Variants in NPTN observed in about 807,000 individuals in gnomAD.
The protein encoded by NPTN is SDR-1.
NPTN carries 5 observed loss-of-function variants against 42.7 expected under a neutral mutation model. The observed-to-expected ratio is 0.12, with a 90% CI of 0.06 to 0.25. The LOEUF (loss-of-function observed/expected upper bound fraction) is 0.25. Ranked by LOEUF, NPTN falls within the 10% of genes least tolerant of loss-of-function variation. The pLI, the probability that NPTN is intolerant of heterozygous loss-of-function variation, is 1.00. For synonymous variants in NPTN, 180 were observed against 201.9 expected (o/e 0.89, Z 0.92); for missense variants, 307 against 525.4 (o/e 0.58, Z 4.06).
intron 4 of NPTN, among the ~76,000 whole-genome samples, chr15:73,586,248 T>G (rs1452603162): frequency 6.6e-6 from 1 of 152,200 alleles, no homozygotes. Flanking sequence ...TTGGCTCACC[T>G]AGGCTGGGGA....
intron 4 of NPTN, among the ~76,000 whole-genome samples, chr15:73,586,734 A>G (rs1896337895): frequency 6.6e-6 from 1 of 152,214 alleles, no homozygotes; most frequent in African/African-American, 2.4e-5. Flanking sequence ...AAAGACTGAA[A>G]ATAAAAAATC....
chr15:73,565,024 G>T (rs1894899332), intron 6 of NPTN, among the ~76,000 whole-genome samples: 1 of 152,222 alleles, frequency 6.6e-6, no homozygotes, highest in Non-Finnish European at 1.5e-5. Context: ...CTTTTGGAGT[G>T]TGGGTATTCC....
intron 1 of NPTN, among the ~76,000 whole-genome samples, chr15:73,608,441 G>C (rs1427777540): frequency 6.6e-6 from 1 of 152,166 alleles, no homozygotes; most frequent in African/African-American, 2.4e-5. Context: ...CTAGGCAAGA[G>C]GAAACACCAT....
At chr15:73,624,201 T>C (rs926485270) in intron 1 of NPTN, among the ~76,000 whole-genome samples, 16 of 152,226 alleles carry the variant, frequency 1.1e-4, no homozygotes, top group Non-Finnish European at 1.5e-4. Flanking sequence ...AAAACAGTAA[T>C]GCTGTTAGGT....
intron 1 of NPTN, among the ~76,000 whole-genome samples, chr15:73,627,773 T>C (rs1011344428): frequency 6.6e-6 from 1 of 152,228 alleles, no homozygotes; most frequent in African/African-American, 2.4e-5. Context: ...CTTCCTAAAC[T>C]GAATAGATCC....
intron 1 of NPTN, among the ~76,000 whole-genome samples, chr15:73,601,565 C>T (rs1012845862): frequency 2.0e-5 from 3 of 152,198 alleles, no homozygotes; most frequent in Admixed American, 1.3e-4. Context: ...GTACCTTCAA[C>T]AAGAAAGCAC....
intron 1 of NPTN, among the ~76,000 whole-genome samples, chr15:73,626,328 G>A (rs1210692647): frequency 1.3e-5 from 2 of 152,186 alleles, no homozygotes; most frequent in East Asian, 3.8e-4. Flanking sequence ...AACTGCAAGG[G>A]TTGTCTGAAG....
At chr15:73,615,772 T>G (rs1405542438) in intron 1 of NPTN, among the ~76,000 whole-genome samples, 1 of 152,192 alleles carries the variant, frequency 6.6e-6, no homozygotes, top group Non-Finnish European at 1.5e-5. Context: ...TCCTAACTAG[T>G]AAACTGGAAC....
At chr15:73,615,000 A>T (rs986259993) in intron 1 of NPTN, among the ~76,000 whole-genome samples, 8 of 152,168 alleles carry the variant, frequency 5.3e-5, no homozygotes, top group South Asian at 2.1e-4. Flanking sequence ...AGTTTAAAAT[A>T]GATTTCTTAT....
At chr15:73,621,232 G>A (rs988369880) in intron 1 of NPTN, among the ~76,000 whole-genome samples, 6 of 152,086 alleles carry the variant, frequency 3.9e-5, no homozygotes, top group Non-Finnish European at 5.9e-5. Flanking sequence ...ACAGAAATTC[G>A]ATATTAACCT....
Position 73,560,069 on chromosome 15 carries a change from C to T in NPTN, c.*994G>A. 1 of 601,042 alleles carries T rather than the reference C, an allele frequency of 1.7e-6. No individual in the cohort carries two copies. The highest frequency in any genetic ancestry group is 2.7e-5 in the South Asian group (1 of 37,668). The allele number at this position is 601,042 out of a possible 1,614,324, so 37.2% of individuals were successfully genotyped here. ...CAGGTGAATCCACTTTTTTATACAT[C>T]ATTGCACTTCAATAATTACACAAAA... On this transcript the variant is annotated 3_prime_UTR_variant, in exon 9 of 9. Coordinates refer to ENST00000345330, the MANE Select transcript of NPTN (RefSeq NM_012428.4).
At chr15:73,563,482 G>A (rs1894810123) in intron 6 of NPTN, 2 of 1,357,532 alleles carry the variant, frequency 1.5e-6, no homozygotes, top group Admixed American at 3.5e-5. Flanking sequence ...AATGGTTTTA[G>A]TTAACACTTT....
chr15:73,569,765 G>C lies in NPTN; in HGVS notation c.1114+385C>G, dbSNP rs1162797744. 1.0e-6 allele frequency: 1 copy of C among 985,098 alleles called. No homozygotes were observed. Among genetic ancestry groups the C allele is most frequent in the African/African-American group, 1.7e-5 (1 of 57,162 alleles). The allele number at this position is 985,098 out of a possible 1,614,324, so 61.0% of individuals were successfully genotyped here. ...GCCTGCCATCTTGGGGTGGCTTCTA[G>C]GCTTGACTTGGATTCTCCTCAAGCT... On this transcript the variant is annotated intron_variant, in intron 6 of 8. Transcript: ENST00000345330. The surrounding 1 kb of genome is among the most constrained non-coding windows in gnomAD (Gnocchi z 4.1).
intron 1 of NPTN, among the ~76,000 whole-genome samples, chr15:73,600,681 CTTAGT>C (rs1897044624): frequency 6.6e-6 from 1 of 152,170 alleles, no homozygotes; most frequent in Non-Finnish European, 1.5e-5. Flanking sequence ...TTTGTCACCA[CTTAGT>C]TTAATTAATA....
rs1244654583 is a variant in NPTN at position 73,560,790 on chromosome 15, C to CTGA, written c.*272_*273insTCA. On this transcript the variant is annotated 3_prime_UTR_variant, in exon 9 of 9. Coordinates refer to ENST00000345330, the MANE Select transcript of NPTN (RefSeq NM_012428.4). ...TGATCTGATCCTCAGAGGACCTTTT[C>CTGA]ACTTCTATTTAAATATTTTAACAAA... 1 of 152,206 alleles carries CTGA rather than the reference C, an allele frequency of 6.6e-6. No individual in the cohort carries two copies. Among genetic ancestry groups the CTGA allele is most frequent in the African/African-American group, 2.4e-5 (1 of 41,344 alleles). The allele number at this position is 152,206 out of a possible 1,614,324, so 9.4% of individuals were successfully genotyped here. A position where few individuals can be genotyped will look rare whatever the true frequency, so the allele number is the denominator to read the frequency against.
intron 2 of NPTN, among the ~76,000 whole-genome samples, chr15:73,593,461 GTC>G (rs936316889): frequency 6.6e-6 from 1 of 152,060 alleles, no homozygotes; most frequent in African/African-American, 2.4e-5. Context: ...ATTTCCCTGT[GTC>G]TAGTCACTTC....
Position 73,633,344 on chromosome 15 carries a change from T to C in NPTN, c.-129A>G. 2 of 645,256 alleles carry C rather than the reference T, an allele frequency of 3.1e-6. No individual in the cohort carries two copies. The highest frequency in any genetic ancestry group is 4.8e-6 in the Non-Finnish European group (2 of 416,436). 40.0% of individuals were successfully genotyped at this position (645,256 alleles called of 1,614,324 possible). ...GCGAGGGAGGCAGCCGCGGCTCGGCTCCGTCCTTCCCCGTCCTCCTCCTGC... is the reference window on the plus strand; with the variant it reads ...GCGAGGGAGGCAGCCGCGGCTCGGCCCCGTCCTTCCCCGTCCTCCTCCTGC... On this transcript the variant is annotated 5_prime_UTR_variant, in exon 1 of 9. Coordinates refer to ENST00000345330, the MANE Select transcript of NPTN (RefSeq NM_012428.4).
At chr15:73,601,908 G>A (rs1897100136) in intron 1 of NPTN, among the ~76,000 whole-genome samples, 1 of 152,154 alleles carries the variant, frequency 6.6e-6, no homozygotes, top group Non-Finnish European at 1.5e-5. Context: ...CAAGAGAAGC[G>A]TAATGTAAAA....
intron 4 of NPTN, among the ~76,000 whole-genome samples, chr15:73,576,747 T>C (rs1276562184): frequency 1.3e-5 from 2 of 152,232 alleles, no homozygotes; most frequent in African/African-American, 4.8e-5. Flanking sequence ...GCTCGACTTT[T>C]TAACAGTCTT....
Sources: gnomAD v4.1 joint callset for allele counts (sites outside exome capture counted in the v4.1 genomes callset) on GRCh38, gnomAD v4.1.1 for gene constraint, Gnocchi (gnomAD v3.1) non-coding constraint, MANE v1.5 for transcripts, NCBI Gene and HGNC (gene_info 2026-07-23, HGNC 2026-07-21) for gene names.